LOC128462377: variants seen among roughly 807,000 people sequenced by gnomAD.
chr16:89,397,877 G>T, the LOC128462377 span, among the ~76,000 whole-genome samples: 1 of 152,196 alleles, frequency 6.6e-6, no homozygotes, highest in African/African-American at 2.4e-5. Context: ...CTTCGTCCTG[G>T]GCATGGGACT....
the LOC128462377 span, among the ~76,000 whole-genome samples, chr16:89,377,607 G>A: frequency 2.6e-5 from 4 of 152,132 alleles, no homozygotes; most frequent in Non-Finnish European, 4.4e-5. Context: ...ACCAGGTGAC[G>A]AGGAGGAGGT....
the LOC128462377 span, among the ~76,000 whole-genome samples, chr16:89,325,467 T>TCACACA: frequency 2.8e-4 from 39 of 140,602 alleles, no homozygotes; most frequent in African/African-American, 9.9e-4. Flanking sequence ...TCTCTCTCTC[T>TCACACA]CTCACACACA....
chr16:89,345,587 G>T, the LOC128462377 span, among the ~76,000 whole-genome samples: 1 of 152,204 alleles, frequency 6.6e-6, no homozygotes. Context: ...CCAGTCTCAG[G>T]CATTTTGTTA....
At chr16:89,343,180 G>A in the LOC128462377 span, among the ~76,000 whole-genome samples, 1,604 of 152,022 alleles carry the variant, frequency 0.011, 22 homozygotes, top group African/African-American at 0.036. Flanking sequence ...TAGTGGAGAC[G>A]GGGTTTCACC....
the LOC128462377 span, among the ~76,000 whole-genome samples, chr16:89,413,090 C>T: frequency 6.3e-3 from 954 of 152,244 alleles, 8 homozygotes; most frequent in African/African-American, 0.022. Context: ...GAGGGGGCGC[C>T]GCTCAGCCAC....
At chr16:89,319,598 C>CT in the LOC128462377 span, among the ~76,000 whole-genome samples, 1 of 152,324 alleles carries the variant, frequency 6.6e-6, no homozygotes, top group Admixed American at 6.5e-5. Flanking sequence ...CAGCGATGTG[C>CT]TCGAGGCCCT....
the LOC128462377 span, among the ~76,000 whole-genome samples, chr16:89,330,558 G>C: frequency 6.6e-6 from 1 of 151,514 alleles, no homozygotes; most frequent in Non-Finnish European, 1.5e-5. Flanking sequence ...ATGGGGTGGT[G>C]TGGGGGGGAG....
chr16:89,391,126 G>A, the LOC128462377 span, among the ~76,000 whole-genome samples: 1 of 151,908 alleles, frequency 6.6e-6, no homozygotes, highest in Non-Finnish European at 1.5e-5. Flanking sequence ...TACTCGGGAG[G>A]CTGAAGCAGG....
At chr16:89,368,741 T>TA in the LOC128462377 span, among the ~76,000 whole-genome samples, 2 of 151,688 alleles carry the variant, frequency 1.3e-5, no homozygotes, top group East Asian at 1.9e-4. Context: ...GACCAGTTTC[T>TA]AAAAAAATAC....
the LOC128462377 span, among the ~76,000 whole-genome samples, chr16:89,343,278 C>T: frequency 6.6e-6 from 1 of 152,196 alleles, no homozygotes; most frequent in African/African-American, 2.4e-5. Flanking sequence ...CAGGTGTGAG[C>T]CACCGCACTG....
the LOC128462377 span, among the ~76,000 whole-genome samples, chr16:89,328,490 G>T: frequency 7.9e-5 from 12 of 152,342 alleles, no homozygotes; most frequent in Admixed American, 2.6e-4. Flanking sequence ...TTCACATCAC[G>T]GCATCCCCTC....
chr16:89,318,339 C>T, the LOC128462377 span, among the ~76,000 whole-genome samples: 2 of 152,234 alleles, frequency 1.3e-5, no homozygotes, highest in Admixed American at 1.3e-4. Context: ...CACACCTACA[C>T]ACCCACACCC....
the LOC128462377 span, among the ~76,000 whole-genome samples, chr16:89,406,951 A>AG: frequency 3.3e-5 from 5 of 152,060 alleles, no homozygotes; most frequent in Admixed American, 2.6e-4. Context: ...GGCCAGGGGA[A>AG]GGGGGAGCAG....
chr16:89,320,488 CGCAGAGCCGAGGGGCCGGCCA>C, the LOC128462377 span: 1 of 152,256 alleles, frequency 6.6e-6, no homozygotes, highest in Non-Finnish European at 1.5e-5. Context: ...GGAAGGTAAA[CGCAGAGCCGAGGGGCCGGCCA>C]GCACCTGGCC....
At chr16:89,343,505 G>C in the LOC128462377 span, among the ~76,000 whole-genome samples, 1 of 152,312 alleles carries the variant, frequency 6.6e-6, no homozygotes, top group South Asian at 2.1e-4. Context: ...GAGTGAGTGA[G>C]CGAGCAAATG....
the LOC128462377 span, among the ~76,000 whole-genome samples, chr16:89,386,631 A>G: frequency 1.3e-5 from 2 of 152,228 alleles, no homozygotes; most frequent in Admixed American, 6.5e-5. Flanking sequence ...GTCAAGACAG[A>G]ATCACAAATC....
At chr16:89,380,237 C>T in the LOC128462377 span, among the ~76,000 whole-genome samples, 5 of 152,236 alleles carry the variant, frequency 3.3e-5, no homozygotes, top group African/African-American at 9.6e-5. Context: ...CTCTGCCCCC[C>T]GAGTAGTTGG....
At chr16:89,405,363 A>C in the LOC128462377 span, among the ~76,000 whole-genome samples, 13 of 152,236 alleles carry the variant, frequency 8.5e-5, no homozygotes, top group Non-Finnish European at 1.6e-4. Flanking sequence ...TGGCTCTGTC[A>C]CGCAGGCTAG....
chr16:89,383,223 A>G, the LOC128462377 span, among the ~76,000 whole-genome samples: 1 of 152,204 alleles, frequency 6.6e-6, no homozygotes, highest in South Asian at 2.1e-4. Context: ...AGGAGCCACA[A>G]GAGCAAAGTG....
Sources: gnomAD v4.1 joint callset for allele counts (sites outside exome capture counted in the v4.1 genomes callset) on GRCh38, gnomAD v4.1.1 for gene constraint, MANE v1.5 for transcripts.